SDK1: variants seen among roughly 807,000 people sequenced by gnomAD.
SDK1 encodes the protein protein sidekick-1.
A neutral mutation model predicts 245.5 loss-of-function variants in SDK1; 157 were observed. The observed-to-expected ratio is 0.64, with a 90% CI of 0.56 to 0.73. SDK1 has a LOEUF of 0.73. Among genes scored for constraint, SDK1 ranks in the 30% least tolerant of loss-of-function variants. The pLI is 0.00. For missense variants in SDK1, 3,583 were observed against 3,002.3 expected (o/e 1.19, Z -4.52); for synonymous variants, 1,647 against 1,278.5 (o/e 1.29, Z -6.15).
At chr7:3,788,866 C>T (rs1381527980) in intron 4 of SDK1, among the ~76,000 whole-genome samples, 1 of 152,166 alleles carries the variant, frequency 6.6e-6, no homozygotes, top group Non-Finnish European at 1.5e-5. Context: ...AGGGCTGAGC[C>T]TGTAGGCTGC....
At chr7:3,461,626 G>C (rs1224427819) in intron 1 of SDK1, among the ~76,000 whole-genome samples, 1 of 152,280 alleles carries the variant, frequency 6.6e-6, no homozygotes, top group East Asian at 1.9e-4. Context: ...TTGAACTGTT[G>C]TGAGGTTTCC....
intron 1 of SDK1, among the ~76,000 whole-genome samples, chr7:3,489,815 C>G (rs760202107): frequency 6.6e-6 from 1 of 152,192 alleles, no homozygotes; most frequent in East Asian, 1.9e-4. Flanking sequence ...ATGGTAAATG[C>G]AGCAAGATTC....
intron 4 of SDK1, among the ~76,000 whole-genome samples, chr7:3,679,253 G>A (rs1454180823): frequency 6.6e-6 from 1 of 152,182 alleles, no homozygotes. Flanking sequence ...AAATTCAATA[G>A]TAAAAATTCC....
intron 1 of SDK1, among the ~76,000 whole-genome samples, chr7:3,589,172 C>A (rs1404692726): frequency 6.6e-6 from 1 of 152,222 alleles, no homozygotes; most frequent in Admixed American, 6.5e-5. Flanking sequence ...GTACTGATCT[C>A]ACAGTTGGCG....
chr7:4,238,894 G>C lies in SDK1; in HGVS notation c.6130+1110G>C, dbSNP rs140945069. On this transcript the variant is annotated intron_variant, in intron 42 of 44. Coordinates refer to ENST00000404826, the MANE Select transcript of SDK1 (RefSeq NM_152744.4). ...AAAAAAAGTATAGAGCATTAAACAG[G>C]TGGCATATTGTACTATGCAATATTA... Among the ~76,000 whole-genome samples the C allele has an allele frequency of 3.0e-3, 460 of 152,212 alleles. 4 individuals carry two copies. The highest frequency in any genetic ancestry group is 0.01 in the African/African-American group (431 of 41,522).
At chr7:4,245,252 C>G (rs1014735179) in intron 43 of SDK1, among the ~76,000 whole-genome samples, 100 of 152,162 alleles carry the variant, frequency 6.6e-4, no homozygotes, top group African/African-American at 2.3e-3. Flanking sequence ...CTGTAGGAGA[C>G]AATTCCCACT....
intron 32 of SDK1, among the ~76,000 whole-genome samples, chr7:4,173,837 G>C (rs1782004132): frequency 1.3e-5 from 2 of 152,158 alleles, no homozygotes; most frequent in South Asian, 2.1e-4. Flanking sequence ...CAGCTGGTGG[G>C]TGCTTCAGAG....
chr7:3,662,881 A>G (rs1490077413), intron 4 of SDK1, among the ~76,000 whole-genome samples: 1 of 152,216 alleles, frequency 6.6e-6, no homozygotes, highest in Non-Finnish European at 1.5e-5. Context: ...TTAACCCAGT[A>G]TGCATTATGC....
intron 5 of SDK1, among the ~76,000 whole-genome samples, chr7:3,884,236 G>C (rs879805388): frequency 2.9e-4 from 44 of 152,072 alleles, no homozygotes; most frequent in Non-Finnish European, 5.7e-4. Flanking sequence ...GTGAGCCACT[G>C]CACCCGGCCG....
At chr7:3,445,825 T>A (rs558941724) in intron 1 of SDK1, among the ~76,000 whole-genome samples, 1 of 152,286 alleles carries the variant, frequency 6.6e-6, no homozygotes, top group African/African-American at 2.4e-5. Context: ...CTATTGTGTT[T>A]ACCCATATTT....
chr7:3,717,674 G>T (rs201950994), intron 4 of SDK1, among the ~76,000 whole-genome samples: 1 of 152,166 alleles, frequency 6.6e-6, no homozygotes, highest in Non-Finnish European at 1.5e-5. Context: ...ACTTAGATTA[G>T]CTGGACCAAA....
rs750220879 is a variant in SDK1, at chr7:4,174,309, G to A, written c.4888G>A (p.Glu1630Lys). 28 of 1,613,794 alleles carry A rather than the reference G, an allele frequency of 1.7e-5. No homozygotes were observed. Among genetic ancestry groups the A allele is most frequent in the Middle Eastern group, 3.3e-4 (2 of 6,084 alleles). The change falls in exon 33 of 45, where the codon GAG (glutamate) becomes AAG (lysine). Residue 1630 changes from glutamate to lysine, a missense_variant. Physicochemically the swap from Glu to Lys is moderately conservative, Grantham distance 56 (BLOSUM62 1). Transcript: ENST00000404826. Reference protein sequence around the residue: ...ELEYEAGSGTEAKTLKNPIAL... With the variant: ...ELEYEAGSGTKAKTLKNPIAL... ...GGAGTATGAAGCCGGGTCAGGCACT[G>A]AGGCCAAGACGCTCAAAAACCCTAT...
chr7:4,167,702 G>A (rs1052989704), intron 32 of SDK1, among the ~76,000 whole-genome samples: 6 of 152,370 alleles, frequency 3.9e-5, no homozygotes, highest in South Asian at 2.1e-4. Context: ...AACAAGACCC[G>A]AACATGGCCT....
intron 14 of SDK1, among the ~76,000 whole-genome samples, chr7:3,995,433 T>C (rs11983307): frequency 6.6e-6 from 1 of 151,954 alleles, no homozygotes; most frequent in Admixed American, 6.5e-5. Context: ...CCTTATCTCT[T>C]CCTCTACTTG....
At chr7:3,700,107 A>T (rs1413508344) in intron 4 of SDK1, among the ~76,000 whole-genome samples, 1 of 152,218 alleles carries the variant, frequency 6.6e-6, no homozygotes, top group Non-Finnish European at 1.5e-5. Context: ...TGGTGAAACT[A>T]TCCTTCAGGA....
intron 4 of SDK1, among the ~76,000 whole-genome samples, chr7:3,723,506 A>G (rs1258696054): frequency 1.3e-5 from 2 of 152,206 alleles, no homozygotes; most frequent in Non-Finnish European, 2.9e-5. Context: ...TAGTAGCAAA[A>G]TTAGAAACAT....
rs776052823 is a variant in SDK1 at position 3,962,674 on chromosome 7, C to T, written c.1252C>T (p.Leu418Phe). The T allele has an allele frequency of 3.7e-5, 60 of 1,612,170 alleles. No homozygotes were observed. Among genetic ancestry groups the T allele is most frequent in the Non-Finnish European group, 4.5e-5 (53 of 1,178,854 alleles). The change falls in exon 9 of 45, where the codon CTC (leucine) becomes TTC (phenylalanine). Residue 418 changes from leucine to phenylalanine, a missense_variant. Leu to Phe is a conservative substitution (Grantham distance 22). Transcript: ENST00000404826. Reference sequence around the variant, plus strand: ...CTACGCAGGGGTCCCCCTTCCCACCCTCCAGTGGTACAAGGATGCCATCTC... The same window carrying T: ...CTACGCAGGGGTCCCCCTTCCCACCTTCCAGTGGTACAAGGATGCCATCTC... Reference protein sequence around the residue: ...CQAMGVPLPTLQWYKDAISIS... With the variant: ...CQAMGVPLPTFQWYKDAISIS...
intron 17 of SDK1, among the ~76,000 whole-genome samples, chr7:4,022,499 G>C (rs1786978599): frequency 6.6e-6 from 1 of 152,168 alleles, no homozygotes; most frequent in Admixed American, 6.5e-5. Flanking sequence ...GTCTCAAAGA[G>C]AACTCAGCAG....
intron 1 of SDK1, among the ~76,000 whole-genome samples, chr7:3,477,903 C>T (rs1431193173): frequency 6.6e-6 from 1 of 152,116 alleles, no homozygotes; most frequent in Non-Finnish European, 1.5e-5. Flanking sequence ...GTTCGTTTCA[C>T]AGGTGTTTGA....
Sources: gnomAD v4.1 joint callset for allele counts (sites outside exome capture counted in the v4.1 genomes callset) on GRCh38, gnomAD v4.1.1 for gene constraint, MANE v1.5 for transcripts, NCBI Gene and HGNC (gene_info 2026-07-23, HGNC 2026-07-21) for gene names.